The following CTDSP1 variants were observed in gnomAD, a reference collection of about 807,000 sequenced individuals.
The protein encoded by CTDSP1 is carboxy-terminal domain RNA polymerase II polypeptide A small phosphatase 1.
In CTDSP1, 15 loss-of-function variants were observed where a neutral mutation model predicts 32.5. The ratio of observed to expected loss-of-function variants is 0.46; its 90% confidence interval spans 0.31 to 0.71. The LOEUF is 0.71. CTDSP1 is among the 30% of genes least tolerant of loss of function. The pLI, the probability that CTDSP1 is intolerant of heterozygous loss-of-function variation, is 0.05. For missense variants in CTDSP1, 294 were observed against 351.1 expected (o/e 0.84, Z 1.30); for synonymous variants, 185 against 145.4 (o/e 1.27, Z -1.96).
At chr2:218,399,807 C>G (rs1033284216), upstream of CTDSP1, 2 of 1,140,518 alleles carry the variant, frequency 1.8e-6, no homozygotes. Context: ...GAGTCCAGGT[C>G]ACGCCGAAGC....
intron 4 of CTDSP1, chr2:218,402,650 G>C (rs935725604): frequency 1.3e-6 from 1 of 766,992 alleles, no homozygotes; most frequent in Non-Finnish European, 2.4e-6. Context: ...CCCTGCCCGG[G>C]ACCCAGTTCA....
upstream of CTDSP1, chr2:218,399,707 A>G: frequency 1.0e-6 from 1 of 989,498 alleles, no homozygotes; most frequent in Non-Finnish European, 1.2e-6. Flanking sequence ...AAGGGAGGCG[A>G]CGCCCCCTGG....
intron 1 of CTDSP1, chr2:218,400,684 G>A (rs923512055): frequency 1.3e-5 from 6 of 452,542 alleles, no homozygotes; most frequent in Non-Finnish European, 2.7e-5. Context: ...GCGTGGAGGC[G>A]CCGACCCCCT....
chr2:218,398,647 G>A (rs1696944030), upstream of CTDSP1: 4 of 403,936 alleles, frequency 9.9e-6, no homozygotes. Flanking sequence ...GCGCCGCGTC[G>A]CACCCGGCGG....
chr2:218,400,331 A>T, intron 1 of CTDSP1, 174 bp downstream of exon 1: 1 of 732,476 alleles, frequency 1.4e-6, no homozygotes, highest in Non-Finnish European at 2.4e-6. Context: ...GGAGGCTCAG[A>T]GACGCGGGGC....
upstream of CTDSP1, among the ~76,000 whole-genome samples, chr2:218,397,593 G>A (rs1696884945): frequency 6.6e-6 from 1 of 152,284 alleles, no homozygotes; most frequent in Non-Finnish European, 1.5e-5. Context: ...TCCCGTTCCT[G>A]CCCCTCCCCG....
chr2:218,405,782 G>A lies in CTDSP1; in HGVS notation c.*1357G>A, dbSNP rs1697377776. On this transcript the variant is annotated 3_prime_UTR_variant, in exon 7 of 7. Coordinates refer to ENST00000273062, the MANE Select transcript of CTDSP1 (RefSeq NM_021198.3). The stretch of plus-strand genomic sequence containing the variant: ...GGGGACCCACATACCAGTGCCAAGG[G>A]GGATGTCAAGTGGTGATGTCGTTGT... The A allele has an allele frequency of 6.5e-6, 1 of 152,938 alleles. No individual in the cohort carries two copies. The highest frequency in any genetic ancestry group is 2.4e-5 in the African/African-American group (1 of 41,466). The allele number at this position is 152,938 out of a possible 1,614,324, so 9.5% of individuals were successfully genotyped here.
Position 218,400,108 on chromosome 2 carries a change from C to T in CTDSP1, c.18C>T (p.Val6=). The T allele has an allele frequency of 6.5e-7, 1 of 1,542,302 alleles. No homozygotes were observed. The highest frequency in any genetic ancestry group is 1.2e-5 in the South Asian group (1 of 83,408). The change falls in exon 1 of 7, where the codon GTC becomes GTT. Residue 6 remains valine, a synonymous_variant. Transcript: ENST00000273062. MDSSA[V]ITQISKEEAR... ...CCGGCCCCATGGACAGCTCGGCCGT[C>T]ATTACTCAGATCAGCAAGGAGGAGG...
At position 218,402,148 on chromosome 2, in the gene CTDSP1, C is replaced by G. The variant is rs776313857; in HGVS notation, c.254C>G (p.Ala85Gly). 1.9e-6 allele frequency: 3 copies of G among 1,613,662 alleles called. No individual in the cohort carries two copies. The South Asian group carries it at 3.3e-5, about 18-fold the overall frequency. Residue 85 changes from alanine to glycine, a missense_variant, in exon 3 of 7, where the codon GCC (alanine) becomes GGC (glycine). Transcript: ENST00000273062. ...PVQYLLPEAK[A>G]QDSDKICVVI... ...CAATACCTGCTCCCTGAGGCCAAGGCCCAGGACTCAGACAAGATCTGCGTG... is the reference window on the plus strand; with the variant it reads ...CAATACCTGCTCCCTGAGGCCAAGGGCCAGGACTCAGACAAGATCTGCGTG...
chr2:218,401,428 A>C, intron 1 of CTDSP1, 136 bp from the exon 2 acceptor site: 3 of 964,872 alleles, frequency 3.1e-6, no homozygotes, highest in Middle Eastern at 2.3e-4. Flanking sequence ...AGAGAAAGTC[A>C]GGAGCTGCCT....
intron 6 of CTDSP1, among the ~76,000 whole-genome samples, chr2:218,403,902 A>G (rs978619163): frequency 2.6e-5 from 4 of 152,202 alleles, no homozygotes; most frequent in East Asian, 1.9e-4. Flanking sequence ...TCTACAAAAA[A>G]TACAAAAACT....
Position 218,404,617 on chromosome 2 carries a change from C to A in CTDSP1, c.*192C>A. ...CAGGCTGCACTGAGGACCGTGAGCT[C>A]CAGGCCCCGTGTCAGTGCCTTCAAA... On this transcript the variant is annotated 3_prime_UTR_variant, in exon 7 of 7. Transcript: ENST00000273062. The A allele has an allele frequency of 1.6e-6, 1 of 623,918 alleles. No individual in the cohort carries two copies. 38.6% of individuals were successfully genotyped at this position (623,918 alleles called of 1,614,324 possible). A position where few individuals can be genotyped will look rare whatever the true frequency, so the allele number is the denominator to read the frequency against.
upstream of CTDSP1, chr2:218,399,368 T>C (rs1036241667): frequency 6.6e-6 from 1 of 152,010 alleles, no homozygotes; most frequent in East Asian, 1.9e-4. Flanking sequence ...GATTCTGAGG[T>C]TTGCACAGCT....
chr2:218,401,093 C>T (rs1430831837), intron 1 of CTDSP1: 3 of 377,936 alleles, frequency 7.9e-6, no homozygotes, highest in East Asian at 7.4e-5. Flanking sequence ...GGGACTGCAC[C>T]CCTGCCTCTG....
rs549627178 is a variant in CTDSP1 at position 218,405,375 on chromosome 2, C to T, written c.*950C>T. 1 of 152,570 alleles carries T rather than the reference C, an allele frequency of 6.6e-6. No homozygotes were observed. Among genetic ancestry groups the T allele is most frequent in the Non-Finnish European group, 1.5e-5 (1 of 68,092 alleles). 9.5% of individuals were successfully genotyped at this position (152,570 alleles called of 1,614,324 possible). Reference sequence around the variant, plus strand: ...CAGGCCCTGTCCTCTGTCCCTCACACCCCTTTGCTCCGTTCATTCATTCAA... The same window carrying T: ...CAGGCCCTGTCCTCTGTCCCTCACATCCCTTTGCTCCGTTCATTCATTCAA... On this transcript the variant is annotated 3_prime_UTR_variant, in exon 7 of 7. Coordinates refer to ENST00000273062, the MANE Select transcript of CTDSP1 (RefSeq NM_021198.3).
chr2:218,397,158 G>C (rs768201915), upstream of CTDSP1, among the ~76,000 whole-genome samples: 8 of 152,316 alleles, frequency 5.3e-5, no homozygotes, highest in Non-Finnish European at 1.2e-4. Flanking sequence ...GGACGGCAGA[G>C]TAATGGGCAG....
intron 1 of CTDSP1, 183 bp from the exon 2 acceptor site, chr2:218,401,381 C>T (rs138815381): frequency 9.4e-6 from 6 of 638,398 alleles, no homozygotes; most frequent in East Asian, 5.5e-5. Context: ...CTGCAGGAGC[C>T]TTGCAGTTGA....
intron 4 of CTDSP1, chr2:218,402,804 T>C (rs1479715810): frequency 1.4e-6 from 1 of 697,594 alleles, no homozygotes; most frequent in Non-Finnish European, 2.7e-6. Flanking sequence ...GGATTGGGAA[T>C]TAGGGACCTC....
chr2:218,400,470 C>T (rs1457988528), intron 1 of CTDSP1: 2 of 462,510 alleles, frequency 4.3e-6, no homozygotes, highest in Non-Finnish European at 8.1e-6. Context: ...CCACCATTGG[C>T]GCCAATGGGG....
Sources: allele counts gnomAD v4.1 joint callset (sites outside exome capture counted in the v4.1 genomes callset), GRCh38; gene constraint gnomAD v4.1.1; transcripts MANE v1.5; gene names NCBI Gene and HGNC (gene_info 2026-07-23, HGNC 2026-07-21).